CHD1L: variants seen among roughly 807,000 people sequenced by gnomAD.
CHD1L encodes ATP-dependent chromatin remodeler CHD1L.
In CHD1L, 118 loss-of-function variants were observed where a neutral mutation model predicts 115.9. The observed-to-expected ratio is 1.02, with a 90% CI of 0.88 to 1.19. CHD1L has a LOEUF of 1.19. CHD1L is among the 50% of genes most tolerant of loss of function. CHD1L has a pLI of 0.00. For missense variants in CHD1L, 1,179 were observed against 1,065.3 expected (o/e 1.11, Z -1.49); for synonymous variants, 411 against 387.1 (o/e 1.06, Z -0.72).
the CHD1L span, chr1:147,225,007 A>C: frequency 1.2e-6 from 2 of 1,613,890 alleles, no homozygotes; most frequent in Non-Finnish European, 8.5e-7. Flanking sequence ...TCCCCCAATC[A>C]CAGCAATTCT....
At chr1:147,288,482 A>C (rs993546837) in intron 19 of CHD1L, among the ~76,000 whole-genome samples, 3 of 151,922 alleles carry the variant, frequency 2.0e-5, no homozygotes, top group Non-Finnish European at 2.9e-5. Flanking sequence ...GGAATTCAAA[A>C]CCAGCCTCAC....
chr1:147,192,174 T>A, the CHD1L span, among the ~76,000 whole-genome samples: 4 of 152,286 alleles, frequency 2.6e-5, no homozygotes, highest in Admixed American at 2.6e-4. Context: ...CTTTGTATCC[T>A]CTTTTATTTC....
At chr1:147,256,707 G>A in intron 5 of CHD1L, 145 bp downstream of exon 5, 2 of 712,778 alleles carry the variant, frequency 2.8e-6, no homozygotes, top group Non-Finnish European at 4.8e-6. Flanking sequence ...CATGGTGGGA[G>A]TCCTGTGTTT....
intron 15 of CHD1L, among the ~76,000 whole-genome samples, chr1:147,281,597 G>A (rs185035494): frequency 5.3e-4 from 80 of 152,128 alleles, no homozygotes; most frequent in African/African-American, 1.9e-3. Context: ...AAAATATCTT[G>A]TTTGTATTCT....
intron 14 of CHD1L, among the ~76,000 whole-genome samples, chr1:147,279,545 A>G (rs1679978311): frequency 6.6e-6 from 1 of 152,178 alleles, no homozygotes; most frequent in Non-Finnish European, 1.5e-5. Flanking sequence ...CCACTGTGTT[A>G]GGAAAACAAA....
the CHD1L span, chr1:147,212,449 C>G: frequency 6.2e-7 from 1 of 1,614,010 alleles, no homozygotes; most frequent in Non-Finnish European, 8.5e-7. Flanking sequence ...TTCCCAATGC[C>G]AATTATAATG....
At chr1:147,195,443 T>G in the CHD1L span, among the ~76,000 whole-genome samples, 1 of 152,112 alleles carries the variant, frequency 6.6e-6, no homozygotes, top group East Asian at 1.9e-4. Context: ...AAAATAAATC[T>G]TAATCACATT....
intron 10 of CHD1L, among the ~76,000 whole-genome samples, chr1:147,269,973 G>A (rs1553951646): frequency 6.6e-6 from 1 of 152,152 alleles, no homozygotes. Flanking sequence ...AGTTGGAGAA[G>A]GACCTATAAA....
At chr1:147,282,638 A>C (rs115585227) in intron 15 of CHD1L, among the ~76,000 whole-genome samples, 1 of 152,310 alleles carries the variant, frequency 6.6e-6, no homozygotes, top group African/African-American at 2.4e-5. Context: ...CAAGTGAGAG[A>C]AGAAATAGAT....
At chr1:147,224,241 T>C in the CHD1L span, 2 of 229,500 alleles carry the variant, frequency 8.7e-6, no homozygotes, top group South Asian at 5.7e-5. Flanking sequence ...TGGACAGATA[T>C]GATGAGATTC....
chr1:147,177,394 A>G, the CHD1L span, among the ~76,000 whole-genome samples: 2 of 152,238 alleles, frequency 1.3e-5, no homozygotes, highest in African/African-American at 4.8e-5. Flanking sequence ...AATAATTGGG[A>G]GATAATTCTC....
At chr1:147,274,547 G>A (rs1030521183) in intron 12 of CHD1L, among the ~76,000 whole-genome samples, 20 of 152,122 alleles carry the variant, frequency 1.3e-4, no homozygotes, top group Non-Finnish European at 2.2e-4. Context: ...TAACGACCCT[G>A]GCAAGAGGGA....
At chr1:147,172,984 G>A in the CHD1L span, 1 of 152,440 alleles carries the variant, frequency 6.6e-6, no homozygotes, top group Non-Finnish European at 1.5e-5. Context: ...GCAGGCAGAA[G>A]GAAGCAGTGG....
intron 14 of CHD1L, 51 bp from the exon 15 acceptor site, chr1:147,279,975 A>G: frequency 6.3e-7 from 1 of 1,595,594 alleles, no homozygotes; most frequent in Non-Finnish European, 8.6e-7. Context: ...TGATATCCTA[A>G]TGTTTCTTTT....
rs782774593 is a variant in CHD1L, at chr1:147,270,930, A to C, written c.1086-2A>C. 1.0e-4 allele frequency: 164 copies of C among 1,613,754 alleles called. No individual in the cohort carries two copies. The highest frequency in any genetic ancestry group is 1.4e-4 in the Non-Finnish European group (160 of 1,179,846). ...AGTGTTTCCTTTTCTTTTTCTTGCC[A>C]GGGGCCATCGGGTTTTACTTTTCTC... On this transcript the variant is annotated splice_acceptor_variant, in intron 10 of 22. Transcript: ENST00000369258. LOFTEE classifies it high-confidence loss of function.
chr1:147,259,929 A>G lies in CHD1L; in HGVS notation c.576+11A>G. 6.2e-7 allele frequency: 1 copy of G among 1,603,124 alleles called. No homozygotes were observed. Among genetic ancestry groups the G allele is most frequent in the Non-Finnish European group, 8.5e-7 (1 of 1,173,166 alleles). ...AAGACCTTGTCAGAGGTAAACTTAC[A>G]GTGTAGCCTTAGTTTTTATATAACC... On this transcript the variant is annotated intron_variant, in intron 6 of 22. Coordinates refer to ENST00000369258, the MANE Select transcript of CHD1L (RefSeq NM_004284.6).
intron 20 of CHD1L, 37 bp from the exon 21 acceptor site, chr1:147,293,571 C>G (rs368112118): frequency 1.3e-6 from 2 of 1,569,696 alleles, no homozygotes; most frequent in Admixed American, 1.7e-5. Flanking sequence ...GTGGCTGTTT[C>G]ATGTTGGGTT....
At chr1:147,222,710 G>A in the CHD1L span, among the ~76,000 whole-genome samples, 2 of 152,234 alleles carry the variant, frequency 1.3e-5, no homozygotes, top group South Asian at 2.1e-4. Flanking sequence ...CAAGGAAGCA[G>A]TTTACAAAGT....
chr1:147,173,932 T>G, the CHD1L span, among the ~76,000 whole-genome samples: 1 of 152,246 alleles, frequency 6.6e-6, no homozygotes, highest in African/African-American at 2.4e-5. Flanking sequence ...GGAATACTGT[T>G]TACTGTAATC....
Sources: gnomAD v4.1 joint callset for allele counts (sites outside exome capture counted in the v4.1 genomes callset) on GRCh38, gnomAD v4.1.1 for gene constraint, MANE v1.5 for transcripts, NCBI Gene and HGNC (gene_info 2026-07-23, HGNC 2026-07-21) for gene names.